The following CSMD3 variants were observed in gnomAD, a reference collection of about 807,000 sequenced individuals.
CSMD3 encodes CUB and sushi domain-containing protein 3.
CSMD3 carries 177 observed loss-of-function variants against 435.2 expected under a neutral mutation model. The ratio of observed to expected loss-of-function variants is 0.41; its 90% CI spans 0.36 to 0.46. The LOEUF is 0.46. Among genes scored for constraint, CSMD3 ranks in the 20% least tolerant of loss-of-function variants. The probability of loss-of-function intolerance (pLI) is 0.34; values close to 1 mark genes in which losing one functional copy is unlikely to be tolerated. For synonymous variants in CSMD3, 1,656 were observed against 1,520.5 expected (o/e 1.09, Z -2.07); for missense variants, 4,265 against 4,504.6 (o/e 0.95, Z 1.52).
At chr8:112,472,937 A>G (rs957555079) in intron 31 of CSMD3, among the ~76,000 whole-genome samples, 2 of 152,226 alleles carry the variant, frequency 1.3e-5, no homozygotes, top group East Asian at 1.9e-4. Flanking sequence ...AGTATGTAAT[A>G]TAATGTTATA....
chr8:112,306,081 G>T lies in CSMD3; in HGVS notation c.7997C>A (p.Ser2666Tyr), dbSNP rs1158232184. The change falls in exon 51 of 71, where the codon TCC (serine) becomes TAC (tyrosine). Residue 2666 changes from serine (S) to tyrosine (Y), a missense_variant. Physicochemically the swap from Ser to Tyr is moderately radical, Grantham distance 144. Around this residue, in one of 3 missense-constraint regions of CSMD3, gnomAD observed 3,255 missense variants for 3,380.2 expected, o/e 0.96. Coordinates refer to ENST00000297405, the MANE Select transcript of CSMD3 (RefSeq NM_198123.2). ...GCATACAGCTGTAGTGAGTTCTTTG[G>T]ATGACAATCGATATCCATCATTACA... ...YFCNDGYRLS[S>Y]KELTTAVCQS... The T allele has an allele frequency of 6.2e-7, 1 of 1,613,366 alleles. No homozygotes were observed. Among genetic ancestry groups the T allele is most frequent in the Admixed American group, 1.7e-5 (1 of 59,940 alleles).
chr8:113,203,782 T>G (rs993258505), intron 3 of CSMD3, among the ~76,000 whole-genome samples: 1 of 152,140 alleles, frequency 6.6e-6, no homozygotes, highest in Non-Finnish European at 1.5e-5. Flanking sequence ...CAGACTTCTC[T>G]TCCTTGTTTT....
At chr8:113,081,538 G>A (rs1212698433) in intron 5 of CSMD3, among the ~76,000 whole-genome samples, 1 of 152,126 alleles carries the variant, frequency 6.6e-6, no homozygotes, top group Non-Finnish European at 1.5e-5. Context: ...CCTGAGTATA[G>A]GGAGTTACCT....
chr8:112,375,257 A>G (rs1403666719), intron 38 of CSMD3, among the ~76,000 whole-genome samples: 1 of 152,168 alleles, frequency 6.6e-6, no homozygotes, highest in East Asian at 1.9e-4. Context: ...CATGTAATAA[A>G]GTTTTCACTC....
intron 3 of CSMD3, among the ~76,000 whole-genome samples, chr8:113,195,190 G>A (rs917569858): frequency 2.1e-5 from 3 of 144,480 alleles, no homozygotes; most frequent in Non-Finnish European, 4.5e-5. Context: ...TACTGAAAAC[G>A]ATTTCCCATG....
chr8:112,870,085 C>A (rs1432330735), intron 10 of CSMD3, among the ~76,000 whole-genome samples: 1 of 151,868 alleles, frequency 6.6e-6, no homozygotes, highest in Non-Finnish European at 1.5e-5. Context: ...AATTATTTGC[C>A]TTTTCAATTA....
At chr8:112,453,100 C>A (rs1182310819) in intron 32 of CSMD3, among the ~76,000 whole-genome samples, 4 of 152,088 alleles carry the variant, frequency 2.6e-5, no homozygotes, top group Admixed American at 6.6e-5. Flanking sequence ...AAAACTTGAA[C>A]AAGTAACTTT....
intron 9 of CSMD3, among the ~76,000 whole-genome samples, chr8:112,923,265 C>A (rs1202302984): frequency 6.6e-6 from 1 of 152,072 alleles, no homozygotes; most frequent in South Asian, 2.1e-4. Flanking sequence ...CAAATTATAT[C>A]ACTTTTGTAC....
rs1821947469 is a variant in CSMD3, at chr8:112,311,178, A to G, written c.7697-12T>C. The G allele has an allele frequency of 6.6e-7, 1 of 1,507,684 alleles. No homozygotes were observed. Among genetic ancestry groups the G allele is most frequent in the South Asian group, 1.1e-5 (1 of 87,190 alleles). The allele number at this position is 1,507,684 out of a possible 1,614,324, so 93.4% of individuals were successfully genotyped here. On this transcript the variant is annotated splice_polypyrimidine_tract_variant and intron_variant, in intron 49 of 70. Coordinates refer to ENST00000297405, the MANE Select transcript of CSMD3 (RefSeq NM_198123.2). The stretch of plus-strand genomic sequence containing the variant: ...ACTACAGTAGAAAGCTTTTCAAAAG[A>G]AAAAAAAAATGCTGTTTAATTAATG...
chr8:112,813,509 C>T (rs976463930), intron 12 of CSMD3, among the ~76,000 whole-genome samples: 5 of 151,962 alleles, frequency 3.3e-5, no homozygotes, highest in Non-Finnish European at 5.9e-5. Context: ...CACAGGAAAA[C>T]GGGCAGTTAA....
chr8:112,294,720 T>C (rs1047868252), intron 54 of CSMD3, among the ~76,000 whole-genome samples: 7 of 152,184 alleles, frequency 4.6e-5, no homozygotes, highest in Non-Finnish European at 8.8e-5. Flanking sequence ...AAATACACTT[T>C]ATTCTTCATC....
intron 13 of CSMD3, among the ~76,000 whole-genome samples, chr8:112,782,188 A>C (rs1465994136): frequency 1.3e-5 from 2 of 151,372 alleles, no homozygotes; most frequent in African/African-American, 4.9e-5. Context: ...ATTCAAGATA[A>C]CACAGAGAAG....
In CSMD3 at chr8:113,033,127, C is replaced by G. The variant is rs2131250512; in HGVS notation, c.918-13948G>C. On this transcript the variant is annotated intron_variant, in intron 5 of 70. Transcript: ENST00000297405. ...CTCTCATGAAGAACCTCTACTAGGG[C>G]AATGTAGAGGGGAAATGTGAGTTGG... 1.3e-5 allele frequency among the ~76,000 whole-genome samples: 2 copies of G among 151,652 alleles called. 1 individual carries two copies. The highest frequency in any genetic ancestry group is 4.2e-4 in the South Asian group (2 of 4,760).
chr8:112,244,158 G>T (rs755350714), intron 65 of CSMD3, among the ~76,000 whole-genome samples: 1 of 152,104 alleles, frequency 6.6e-6, no homozygotes, highest in African/African-American at 2.4e-5. Context: ...CCTGAAGAGA[G>T]AATTTGAAGA....
chr8:112,700,980 G>C (rs762260662), intron 13 of CSMD3, among the ~76,000 whole-genome samples: 1 of 152,102 alleles, frequency 6.6e-6, no homozygotes, highest in African/African-American at 2.4e-5. Context: ...ACATTCAGCT[G>C]TGTTTCTTGT....
At chr8:112,721,335 G>A (rs932964548) in intron 13 of CSMD3, among the ~76,000 whole-genome samples, 2 of 152,224 alleles carry the variant, frequency 1.3e-5, no homozygotes, top group Non-Finnish European at 1.5e-5. Context: ...AGCACTTTGG[G>A]AGGCCGAGGC....
At chr8:112,914,176 A>G (rs1168691409) in intron 10 of CSMD3, among the ~76,000 whole-genome samples, 2 of 151,952 alleles carry the variant, frequency 1.3e-5, no homozygotes, top group Non-Finnish European at 2.9e-5. Context: ...CCCAAAGGGT[A>G]ATACTATCAT....
intron 1 of CSMD3, among the ~76,000 whole-genome samples, chr8:113,405,840 T>G (rs537653895): frequency 6.6e-6 from 1 of 151,964 alleles, no homozygotes; most frequent in South Asian, 2.1e-4. Context: ...TGTAAATGCA[T>G]GCTTCCATAT....
intron 24 of CSMD3, among the ~76,000 whole-genome samples, chr8:112,571,883 A>T (rs2131294155): frequency 6.6e-6 from 1 of 151,480 alleles, no homozygotes; most frequent in Admixed American, 6.6e-5. Flanking sequence ...TAAAAAAAAA[A>T]AAAAGAAAGA....
Sources: gnomAD v4.1 joint callset for allele counts (sites outside exome capture counted in the v4.1 genomes callset) on GRCh38, gnomAD v4.1.1 for gene constraint, gnomAD v4.1.1 regional missense constraint, MANE v1.5 for transcripts, NCBI Gene and HGNC (gene_info 2026-07-23, HGNC 2026-07-21) for gene names.